PARD3B: variants seen among roughly 807,000 people sequenced by gnomAD.
PARD3B encodes partitioning defective 3 homolog B.
In PARD3B, 103 loss-of-function variants were observed where a neutral mutation model predicts 130.2. That is an observed-to-expected ratio of 0.79 (90% CI 0.67 to 0.93). The LOEUF (loss-of-function observed/expected upper bound fraction) is 0.93. Ranked by LOEUF, PARD3B falls within the 40% of genes least tolerant of loss-of-function variation. The probability of loss-of-function intolerance (pLI) is 0.00; values close to 1 mark genes in which losing one functional copy is unlikely to be tolerated. For missense variants in PARD3B, 1,609 were observed against 1,499.2 expected, an observed-to-expected ratio of 1.07 and a Z score of -1.21; for synonymous variants, 583 against 553.2, an observed-to-expected ratio of 1.05 and a Z score of -0.76.
chr2:204,983,049 T>TTTTCTACCTGATTTAGTGC (rs1249105280), intron 3 of PARD3B, among the ~76,000 whole-genome samples: 1 of 152,184 alleles, frequency 6.6e-6, no homozygotes, highest in Non-Finnish European at 1.5e-5. Flanking sequence ...ATTGCCTCCA[T>TTTTCTACCTGATTTAGTGC]TTTCTACCTG....
intron 2 of PARD3B, among the ~76,000 whole-genome samples, chr2:204,829,522 G>A (rs1044299943): frequency 4.6e-5 from 7 of 152,160 alleles, no homozygotes; most frequent in African/African-American, 1.7e-4. Context: ...AGTAAATAAA[G>A]TGAGAGAAGG....
At chr2:204,868,536 C>G (rs1358032488) in intron 2 of PARD3B, among the ~76,000 whole-genome samples, 1 of 152,124 alleles carries the variant, frequency 6.6e-6, no homozygotes, top group Non-Finnish European at 1.5e-5. Context: ...CAGTCTTCCT[C>G]CACTATCACC....
At chr2:204,691,333 A>G (rs2037344151) in intron 2 of PARD3B, among the ~76,000 whole-genome samples, 2 of 152,118 alleles carry the variant, frequency 1.3e-5, no homozygotes, top group Admixed American at 6.6e-5. Flanking sequence ...GTAATACTGT[A>G]TTATGTAGTA....
At chr2:204,782,405 TCA>T (rs2041868118) in intron 2 of PARD3B, among the ~76,000 whole-genome samples, 2 of 151,620 alleles carry the variant, frequency 1.3e-5, no homozygotes. Context: ...TATATTCATG[TCA>T]CATGTATGTA....
chr2:205,099,068 T>G (rs1315251063), intron 4 of PARD3B, among the ~76,000 whole-genome samples: 2 of 152,176 alleles, frequency 1.3e-5, no homozygotes, highest in African/African-American at 2.4e-5. Context: ...TCTGACCAGT[T>G]GGCAGGACAC....
chr2:205,456,279 T>C (rs1423860479), intron 20 of PARD3B, among the ~76,000 whole-genome samples: 1 of 152,088 alleles, frequency 6.6e-6, no homozygotes, highest in East Asian at 1.9e-4. Flanking sequence ...GATATTTTGG[T>C]TGTTTCCAGT....
chr2:205,440,301 A>G lies in PARD3B; in HGVS notation c.2742-69A>G, dbSNP rs1048292057. On this transcript the variant is annotated intron_variant, in intron 19 of 22. Coordinates refer to ENST00000406610, the MANE Select transcript of PARD3B (RefSeq NM_001302769.2). The surrounding 1 kb of genome is among the most constrained non-coding windows in gnomAD (Gnocchi z 4.2). ...ACGAGGAAGAGTTAACATAAATTCA[A>G]GAGAGTATTTCATTGTATTATTATA... 27 of 1,450,354 alleles carry G rather than the reference A, an allele frequency of 1.9e-5. No individual in the cohort carries two copies. The Middle Eastern group carries it at 7.2e-4, about 39-fold the overall frequency. 89.8% of individuals were successfully genotyped at this position (1,450,354 alleles called of 1,614,324 possible). A position where few individuals can be genotyped will look rare whatever the true frequency, so the allele number is the denominator to read the frequency against.
At chr2:204,722,777 TG>T (rs2039056228) in intron 2 of PARD3B, among the ~76,000 whole-genome samples, 1 of 152,106 alleles carries the variant, frequency 6.6e-6, no homozygotes, top group Non-Finnish European at 1.5e-5. Flanking sequence ...GGAGCTCTGG[TG>T]GGGGCATCTT....
intron 1 of PARD3B, among the ~76,000 whole-genome samples, chr2:204,671,032 G>C (rs1344841456): frequency 6.6e-6 from 1 of 152,098 alleles, no homozygotes; most frequent in Non-Finnish European, 1.5e-5. Context: ...GCATGGTTAT[G>C]TTAATTGCTG....
chr2:204,588,244 G>A (rs1380287207), intron 1 of PARD3B, among the ~76,000 whole-genome samples: 2 of 152,144 alleles, frequency 1.3e-5, no homozygotes, highest in Non-Finnish European at 2.9e-5. Flanking sequence ...CTTTTATGCA[G>A]AACAAGCTAA....
chr2:205,177,976 A>T (rs1237566700), intron 13 of PARD3B, among the ~76,000 whole-genome samples: 1 of 151,786 alleles, frequency 6.6e-6, no homozygotes, highest in Non-Finnish European at 1.5e-5. Context: ...TATTGAAACT[A>T]TTGGAGTCCT....
intron 4 of PARD3B, among the ~76,000 whole-genome samples, chr2:205,053,461 A>AC (rs1242371521): frequency 1.3e-5 from 2 of 151,728 alleles, no homozygotes; most frequent in African/African-American, 4.8e-5. Context: ...ACATGGTGAG[A>AC]CCCCGTCTCT....
intron 2 of PARD3B, among the ~76,000 whole-genome samples, chr2:204,938,362 C>T (rs1575362399): frequency 6.6e-6 from 1 of 152,284 alleles, no homozygotes; most frequent in East Asian, 1.9e-4. Context: ...CTTTGTAAGC[C>T]CTAAAGCCTC....
Position 205,150,363 on chromosome 2 carries a change from G to A in PARD3B, c.1435-8359G>A, listed in dbSNP as rs111774495. Among the ~76,000 whole-genome samples the A allele has an allele frequency of 2.8e-3, 429 of 151,980 alleles. 6 individuals carry two copies. In the East Asian group the frequency reaches 0.032, roughly 11 times the overall value. On this transcript the variant is annotated intron_variant, in intron 10 of 22. Transcript: ENST00000406610. ...GCTTGGGGGTTCGTCATATCACTAA[G>A]GTCTGGCATTTAGGGCACTTGGTAG...
intron 4 of PARD3B, among the ~76,000 whole-genome samples, chr2:205,084,203 T>A (rs1275812777): frequency 1.3e-5 from 2 of 152,170 alleles, no homozygotes; most frequent in East Asian, 3.8e-4. Flanking sequence ...ATTGTTTTTC[T>A]GTTTTTTATC....
chr2:205,402,229 A>G (rs2046276933), intron 19 of PARD3B, among the ~76,000 whole-genome samples: 1 of 152,208 alleles, frequency 6.6e-6, no homozygotes, highest in Non-Finnish European at 1.5e-5. Flanking sequence ...TTAAAAGGAA[A>G]TCAAGTGTTT....
In PARD3B at chr2:205,591,249, C is replaced by A. The variant is rs1047648932; in HGVS notation, c.3261-24207C>A. 5.3e-5 allele frequency among the ~76,000 whole-genome samples: 8 copies of A among 152,106 alleles called. No individual in the cohort carries two copies. Among genetic ancestry groups the A allele is most frequent in the African/African-American group, 1.9e-4 (8 of 41,424 alleles). On this transcript the variant is annotated intron_variant, in intron 22 of 22. Transcript: ENST00000406610. This position sits in a 1 kb window ranked among gnomAD's most constrained non-coding sequence, Gnocchi z 4.2. Reference sequence around the variant, plus strand: ...TTAGTGTATTTTGTATAAGTTTTTTCAATGAACATAGTCCATACATTTTGG... The same window carrying A: ...TTAGTGTATTTTGTATAAGTTTTTTAAATGAACATAGTCCATACATTTTGG...
intron 2 of PARD3B, among the ~76,000 whole-genome samples, chr2:204,818,267 T>C (rs1342469339): frequency 6.6e-6 from 1 of 152,212 alleles, no homozygotes; most frequent in Admixed American, 6.5e-5. Context: ...TGTTCACCTA[T>C]AATCCTCAGT....
intron 3 of PARD3B, among the ~76,000 whole-genome samples, chr2:205,009,549 T>C (rs192626347): frequency 0.017 from 2,641 of 151,906 alleles, 40 homozygotes; most frequent in South Asian, 0.045. Flanking sequence ...CGGGCGCCTG[T>C]AGTCCCAGCT....
Sources: allele counts gnomAD v4.1 joint callset (sites outside exome capture counted in the v4.1 genomes callset), GRCh38; gene constraint gnomAD v4.1.1; non-coding constraint Gnocchi (gnomAD v3.1); transcripts MANE v1.5; gene names NCBI Gene and HGNC (gene_info 2026-07-23, HGNC 2026-07-21).